The following BMX variants were observed in gnomAD, a reference collection of about 807,000 sequenced individuals.
BMX encodes BMX non-receptor tyrosine kinase, also known as cytoplasmic tyrosine-protein kinase BMX.
A neutral mutation model predicts 59.2 loss-of-function variants in BMX; 31 were observed. The ratio of observed to expected loss-of-function variants is 0.52; its 90% CI spans 0.39 to 0.71. The LOEUF is 0.71. Among genes scored for constraint, BMX ranks in the 30% least tolerant of loss-of-function variants. BMX has a pLI of 0.00. For synonymous variants in BMX, 185 were observed against 181.0 expected (o/e 1.02, Z -0.18); for missense variants, 474 against 491.7 (o/e 0.96, Z 0.34).
At chrX:15,540,341 G>A (rs996248365) in intron 14 of BMX, among the ~76,000 whole-genome samples, 1 of 108,177 alleles carries the variant, frequency 9.2e-6, no homozygotes, top group South Asian at 4.1e-4. Flanking sequence ...ACAGAAAACC[G>A]AACACCGCAT....
chrX:15,529,399 C>A (rs1268490100), intron 9 of BMX, among the ~76,000 whole-genome samples: 2 of 112,056 alleles, frequency 1.8e-5, no homozygotes, highest in East Asian at 5.6e-4. Flanking sequence ...CTCACCCAAA[C>A]CCATGCTACA....
chrX:15,508,540 T>G (rs778667976), intron 2 of BMX, 49 bp downstream of exon 2: 7 of 1,005,762 alleles, frequency 7.0e-6, no homozygotes, highest in African/African-American at 2.0e-5. Context: ...TTATTTTTCC[T>G]AAGTCTCCAC....
intron 17 of BMX, among the ~76,000 whole-genome samples, chrX:15,549,389 G>A (rs1054874583): frequency 8.9e-6 from 1 of 112,075 alleles, no homozygotes; most frequent in East Asian, 2.8e-4. Flanking sequence ...ATCTGATTGT[G>A]CAATGAAATT....
At chrX:15,526,149 C>T in intron 9 of BMX, 54 bp downstream of exon 9, 1 of 1,066,312 alleles carries the variant, frequency 9.4e-7, no homozygotes, top group Non-Finnish European at 1.3e-6. Flanking sequence ...GATACTTCTA[C>T]TCTCTTCCTC....
chrX:15,504,941 G>A (rs767264988), intron 1 of BMX, among the ~76,000 whole-genome samples: 18 of 112,018 alleles, frequency 1.6e-4, no homozygotes, highest in Non-Finnish European at 3.0e-4. Context: ...ACTGGGTTTA[G>A]GATCTCATTT....
chrX:15,539,176 C>T (rs1217424865), intron 14 of BMX, among the ~76,000 whole-genome samples: 3 of 110,437 alleles, frequency 2.7e-5, no homozygotes, highest in Non-Finnish European at 3.8e-5. Context: ...AGATTTTTCT[C>T]ATGGTTACAG....
intron 1 of BMX, among the ~76,000 whole-genome samples, chrX:15,506,511 A>T (rs1602321918): frequency 8.9e-6 from 1 of 112,061 alleles, no homozygotes. Context: ...GTACCCTACA[A>T]CCATGTCCAA....
intron 15 of BMX, 53 bp downstream of exon 15, chrX:15,542,251 C>A: frequency 8.9e-7 from 1 of 1,121,409 alleles, no homozygotes; most frequent in Non-Finnish European, 1.2e-6. Flanking sequence ...ACGGCTCCCA[C>A]TTCTGGAGAT....
intron 14 of BMX, among the ~76,000 whole-genome samples, chrX:15,539,891 G>C (rs191954319): frequency 9.8e-5 from 11 of 112,102 alleles, no homozygotes; most frequent in African/African-American, 3.6e-4. Context: ...ACCATTTCAC[G>C]CCATTTAGAA....
At chrX:15,509,927 A>C (rs1923890037) in intron 3 of BMX, among the ~76,000 whole-genome samples, 1 of 111,747 alleles carries the variant, frequency 8.9e-6, no homozygotes, top group Admixed American at 9.5e-5. Context: ...ATTCTATTGG[A>C]GGTGACACTC....
chrX:15,538,831 T>C (rs186450501), intron 14 of BMX, among the ~76,000 whole-genome samples: 1 of 111,647 alleles, frequency 9.0e-6, no homozygotes, highest in Non-Finnish European at 1.9e-5. Context: ...GAAGCAGAGA[T>C]GCTATGTGAA....
chrX:15,537,788 C>A (rs1452222941), intron 14 of BMX, among the ~76,000 whole-genome samples: 1 of 111,034 alleles, frequency 9.0e-6, no homozygotes, highest in Non-Finnish European at 1.9e-5. Flanking sequence ...AAGGAAGAGT[C>A]AGCACAGGTC....
chrX:15,525,176 G>A, intron 7 of BMX, 112 bp from the exon 8 acceptor site: 1 of 725,473 alleles, frequency 1.4e-6, no homozygotes, highest in Non-Finnish European at 2.0e-6. Flanking sequence ...TGAAATGTGT[G>A]GGTCAAAATG....
At chrX:15,524,994 A>C (rs1194080221) in intron 7 of BMX, among the ~76,000 whole-genome samples, 1 of 112,196 alleles carries the variant, frequency 8.9e-6, no homozygotes, top group East Asian at 2.8e-4. Flanking sequence ...AATCAGGGCA[A>C]ATCCAGTCAA....
At chrX:15,516,675 A>T (rs61311162) in intron 5 of BMX, among the ~76,000 whole-genome samples, 55 of 87,686 alleles carry the variant, frequency 6.3e-4, no homozygotes, top group African/African-American at 3.4e-3. Flanking sequence ...CAACATTATT[A>T]AAAAAAAAAA....
At chrX:15,522,006 T>G (rs940232789) in intron 6 of BMX, among the ~76,000 whole-genome samples, 1 of 111,498 alleles carries the variant, frequency 9.0e-6, no homozygotes, top group African/African-American at 3.3e-5. Context: ...CTTTTACAGG[T>G]CTTTTGGTTT....
chrX:15,519,297 C>T (rs996001866), intron 6 of BMX, among the ~76,000 whole-genome samples: 6 of 112,000 alleles, frequency 5.4e-5, no homozygotes, highest in East Asian at 2.8e-4. Context: ...TAAGTAAAAG[C>T]CACATAATTT....
intron 9 of BMX, among the ~76,000 whole-genome samples, chrX:15,527,287 C>T (rs774651519): frequency 0.011 from 699 of 65,534 alleles, 16 homozygotes; most frequent in African/African-American, 0.05. Context: ...TATATATACA[C>T]ACACACACAC....
rs1350889934 is a variant in BMX, at chrX:15,543,040, A to G, written c.1612-31A>G. Reference sequence around the variant, plus strand: ...TGTCAGGAGATTCTTGGTCACTTTCACTACTTGGTGATTTTGTTTTTCCTT... The same window carrying G: ...TGTCAGGAGATTCTTGGTCACTTTCGCTACTTGGTGATTTTGTTTTTCCTT... On this transcript the variant is annotated intron_variant, in intron 15 of 18. Transcript: ENST00000348343. 1.7e-5 allele frequency: 20 copies of G among 1,180,767 alleles called. No individual in the cohort carries two copies. In the African/African-American group the frequency reaches 3.0e-4, roughly 18 times the overall value.
Sources: gnomAD v4.1 joint callset for allele counts (sites outside exome capture counted in the v4.1 genomes callset) on GRCh38, gnomAD v4.1.1 for gene constraint, MANE v1.5 for transcripts, NCBI Gene and HGNC (gene_info 2026-07-23, HGNC 2026-07-21) for gene names.